Variants in PICALM observed in about 807,000 individuals in gnomAD.
PICALM encodes phosphatidylinositol-binding clathrin assembly protein.
A neutral mutation model predicts 80.5 loss-of-function variants in PICALM; 40 were observed. That is an observed-to-expected ratio of 0.50 (90% CI 0.39 to 0.65). The LOEUF is 0.65. Ranked by LOEUF, PICALM falls within the 30% of genes least tolerant of loss-of-function variation. The pLI is 0.00. For synonymous variants in PICALM, 288 were observed against 260.3 expected (o/e 1.11, Z -1.02); for missense variants, 676 against 778.9 (o/e 0.87, Z 1.57).
intron 7 of PICALM, among the ~76,000 whole-genome samples, chr11:86,008,952 C>CAAA (rs59740555): frequency 8.0e-5 from 5 of 62,844 alleles, no homozygotes; most frequent in East Asian, 8.3e-4. Context: ...AAAAAAAAGC[C>CAAA]AAAAAAAAAA....
chr11:86,015,074 TCA>T, intron 4 of PICALM, 111 bp from the exon 5 acceptor site: 1 of 644,738 alleles, frequency 1.6e-6, no homozygotes, highest in Non-Finnish European at 2.6e-6. Flanking sequence ...CTATGAAATG[TCA>T]CATATTTTTA....
At chr11:86,066,758 A>G (rs993086540) in intron 1 of PICALM, among the ~76,000 whole-genome samples, 1 of 149,790 alleles carries the variant, frequency 6.7e-6, no homozygotes, top group African/African-American at 2.5e-5. Context: ...AAAAAAAAAA[A>G]CAAAAAAAAA....
chr11:86,053,072 C>T (rs1043523670), intron 1 of PICALM, among the ~76,000 whole-genome samples: 4 of 152,170 alleles, frequency 2.6e-5, no homozygotes, highest in African/African-American at 9.7e-5. Context: ...CTCACATTGT[C>T]TGGCAATACA....
intron 1 of PICALM, among the ~76,000 whole-genome samples, chr11:86,037,448 T>C (rs1371339807): frequency 2.0e-5 from 3 of 150,832 alleles, no homozygotes; most frequent in Non-Finnish European, 4.4e-5. Flanking sequence ...TTAGTAGAGA[T>C]GGGGTTTCAC....
chr11:86,027,989 A>G (rs1460670904), intron 2 of PICALM, among the ~76,000 whole-genome samples: 1 of 152,250 alleles, frequency 6.6e-6, no homozygotes, highest in African/African-American at 2.4e-5. Context: ...ATAGATTTTG[A>G]TAAGACTCTT....
intron 17 of PICALM, among the ~76,000 whole-genome samples, chr11:85,979,418 A>T (rs938238547): frequency 9.9e-5 from 15 of 151,794 alleles, no homozygotes; most frequent in African/African-American, 3.6e-4. Context: ...TGAACCTGGG[A>T]GGCAGAGGTT....
rs548063026 is a variant in PICALM, at chr11:85,986,460, G to A, written c.1409-2487C>T. 3.9e-4 allele frequency among the ~76,000 whole-genome samples: 53 copies of A among 134,908 alleles called. 2 individuals carry two copies. In the South Asian group the frequency reaches 0.012, roughly 31 times the overall value. 88.5% of individuals were successfully genotyped at this position (134,908 alleles called of 152,430 possible). On this transcript the variant is annotated intron_variant, in intron 13 of 19. Transcript: ENST00000393346. ...CTGCGGACTGCAGTGGCGCAATCTC[G>A]GCTCACTGCAAGCTCCACTTCCTGG...
chr11:85,999,284 A>G lies in PICALM; in HGVS notation c.1154+1359T>C, dbSNP rs2095072332. ...TATAAACGCATTTAGTGCTTTGGGG[A>G]ACATATAGAATATACAATAATAATT... is the stretch of plus-strand genomic sequence containing the variant. On this transcript the variant is annotated intron_variant, in intron 11 of 19. Coordinates refer to ENST00000393346, the MANE Select transcript of PICALM (RefSeq NM_007166.4). 3.9e-5 allele frequency among the ~76,000 whole-genome samples: 6 copies of G among 152,344 alleles called. No individual in the cohort carries two copies. In the South Asian group the frequency reaches 1.2e-3, roughly 32 times the overall value.
At chr11:85,968,215 C>A (rs1049177095) in intron 19 of PICALM, among the ~76,000 whole-genome samples, 7 of 152,058 alleles carry the variant, frequency 4.6e-5, no homozygotes, top group Non-Finnish European at 5.9e-5. Context: ...CTTAGCTACC[C>A]TGGAGGCTGA....
intron 4 of PICALM, among the ~76,000 whole-genome samples, chr11:86,017,476 A>G (rs2095498985): frequency 6.6e-6 from 1 of 152,184 alleles, no homozygotes; most frequent in African/African-American, 2.4e-5. Flanking sequence ...ATAACAATTT[A>G]TTTTCCTAAT....
chr11:86,022,468 T>C lies in PICALM; in HGVS notation c.351A>G (p.Gly117=), dbSNP rs775830584. The stretch of plus-strand genomic sequence containing the variant: ...GCCTAATAAATGTAGACATGTCATA[T>C]CCTGTAAAAAAACAAAAACAAAAAC... ...SNFLDKSGLQ[G]YDMSTFIRRY... Residue 117 remains glycine (G), a splice_region_variant and synonymous_variant, in exon 4 of 20, where the codon GGA becomes GGG. Transcript: ENST00000393346. 1 of 1,467,892 alleles carries C rather than the reference T, an allele frequency of 6.8e-7. No individual in the cohort carries two copies. The highest frequency in any genetic ancestry group is 1.8e-4 in the Middle Eastern group (1 of 5,672). The allele number at this position is 1,467,892 out of a possible 1,614,324, so 90.9% of individuals were successfully genotyped here. A position where few individuals can be genotyped will look rare whatever the true frequency, so the allele number is the denominator to read the frequency against.
At position 86,012,164 on chromosome 11, in the gene PICALM, A is replaced by G. The variant is rs554341969; in HGVS notation, c.658+117T>C. On this transcript the variant is annotated intron_variant, in intron 6 of 19. Coordinates refer to ENST00000393346, the MANE Select transcript of PICALM (RefSeq NM_007166.4). ...AACTCTTTTCTCCAAATTAACTGTT[A>G]CAATGAATGAATATATCATAATAAA... 2.7e-3 allele frequency: 1,288 copies of G among 470,416 alleles called. 8 individuals are homozygous for G. Among genetic ancestry groups the G allele is most frequent in the South Asian group, 0.012 (240 of 20,746 alleles). 29.1% of individuals were successfully genotyped at this position (470,416 alleles called of 1,614,324 possible).
chr11:86,027,528 C>T (rs1350364652), intron 2 of PICALM, among the ~76,000 whole-genome samples: 61 of 148,652 alleles, frequency 4.1e-4, no homozygotes, highest in African/African-American at 1.5e-3. Flanking sequence ...GACAGGGTCT[C>T]GCTCTGTCAT....
chr11:86,032,231 T>C (rs1196203949), intron 1 of PICALM, among the ~76,000 whole-genome samples: 1 of 152,194 alleles, frequency 6.6e-6, no homozygotes, highest in Non-Finnish European at 1.5e-5. Flanking sequence ...AACTAGGTAA[T>C]ACTGAGAACA....
At chr11:86,030,940 A>AC (rs1038427305) in intron 2 of PICALM, among the ~76,000 whole-genome samples, 2 of 151,980 alleles carry the variant, frequency 1.3e-5, no homozygotes, top group Non-Finnish European at 2.9e-5. Flanking sequence ...AGATGGAAAG[A>AC]CCCCCATCTC....
intron 19 of PICALM, among the ~76,000 whole-genome samples, chr11:85,959,651 A>AAAT (rs2135241497): frequency 6.6e-6 from 1 of 150,678 alleles, no homozygotes; most frequent in East Asian, 1.9e-4. Context: ...AAAAAAAAAA[A>AAAT]AAAAAGCTCA....
intron 10 of PICALM, 55 bp from the exon 11 acceptor site, chr11:86,000,834 G>A: frequency 6.4e-7 from 1 of 1,569,082 alleles, no homozygotes; most frequent in Non-Finnish European, 8.6e-7. Flanking sequence ...TCTTTGTACA[G>A]CCTCTGAAAA....
Position 85,958,980 on chromosome 11 carries a change from TG to T in PICALM, c.*65del. The T allele has an allele frequency of 7.9e-7, 1 of 1,272,034 alleles. No homozygotes were observed. 78.8% of individuals were successfully genotyped at this position (1,272,034 alleles called of 1,614,324 possible). A position where few individuals can be genotyped will look rare whatever the true frequency, so the allele number is the denominator to read the frequency against. On this transcript the variant is annotated 3_prime_UTR_variant, in exon 20 of 20. Coordinates refer to ENST00000393346, the MANE Select transcript of PICALM (RefSeq NM_007166.4). ...TAAGAGACAGCAGTTTGGATTTTGC[TG>T]GAAGTAAGGATTTTGCTGCTTGAGC...
At chr11:85,992,123 C>T (rs777224453) in intron 12 of PICALM, among the ~76,000 whole-genome samples, 20 of 152,120 alleles carry the variant, frequency 1.3e-4, no homozygotes, top group Non-Finnish European at 2.1e-4. Flanking sequence ...GCTGGGATTA[C>T]AGGCATGAGC....
Sources: allele counts gnomAD v4.1 joint callset (sites outside exome capture counted in the v4.1 genomes callset), GRCh38; gene constraint gnomAD v4.1.1; transcripts MANE v1.5; gene names NCBI Gene and HGNC (gene_info 2026-07-23, HGNC 2026-07-21).